Variants in ZCWPW2 observed in about 807,000 individuals in gnomAD.
ZCWPW2 encodes zinc finger CW-type and PWWP domain containing 2, also known as zinc finger CW-type PWWP domain protein 2.
ZCWPW2 carries 45 observed loss-of-function variants against 46.6 expected under a neutral mutation model. That is an observed-to-expected ratio of 0.96 (90% confidence interval 0.76 to 1.24). ZCWPW2 has a LOEUF of 1.24. Ranked by LOEUF, ZCWPW2 falls within the 50% of genes most tolerant of loss-of-function variation. The pLI is 0.00. For synonymous variants in ZCWPW2, 152 were observed against 137.1 expected (o/e 1.11, Z -0.76); for missense variants, 429 against 403.9 (o/e 1.06, Z -0.53).
chr3:28,351,291 T>A (rs1410498000), intron 1 of ZCWPW2, among the ~76,000 whole-genome samples: 2 of 150,244 alleles, frequency 1.3e-5, no homozygotes, highest in Non-Finnish European at 3.0e-5. Context: ...AAGCTCCTTC[T>A]CCACTTTTTT....
intron 1 of ZCWPW2, among the ~76,000 whole-genome samples, chr3:28,381,165 A>G (rs922729527): frequency 6.7e-6 from 1 of 148,318 alleles, no homozygotes; most frequent in African/African-American, 2.5e-5. Context: ...CATTTAATAG[A>G]AAATAAAATT....
At position 28,397,439 on chromosome 3, in the gene ZCWPW2, G is replaced by A. The variant is rs183697258; in HGVS notation, c.-14+6822G>A. 3.5e-4 allele frequency among the ~76,000 whole-genome samples: 54 copies of A among 152,288 alleles called. No homozygotes were observed. The East Asian group carries it at 0.01, about 28-fold the overall frequency. On this transcript the variant is annotated intron_variant, in intron 2 of 9. Coordinates refer to ENST00000383768, the MANE Select transcript of ZCWPW2 (RefSeq NM_001040432.4). ...AATCCCAGCTCTTTGGGAGGCCAAG[G>A]CAGGTGGATCATTTGAGGTCAGGAG...
At chr3:28,371,989 C>A (rs1161107903) in intron 1 of ZCWPW2, among the ~76,000 whole-genome samples, 4 of 149,574 alleles carry the variant, frequency 2.7e-5, no homozygotes, top group Non-Finnish European at 6.0e-5. Flanking sequence ...TCCTCCTCCT[C>A]CTGCTCCTCC....
intron 3 of ZCWPW2, among the ~76,000 whole-genome samples, chr3:28,423,307 C>T (rs562727720): frequency 6.6e-6 from 1 of 150,646 alleles, no homozygotes; most frequent in African/African-American, 2.4e-5. Context: ...TCTTATTGAT[C>T]CTGTCCTCTT....
intron 6 of ZCWPW2, among the ~76,000 whole-genome samples, chr3:28,508,493 C>T (rs1018355740): frequency 6.6e-6 from 1 of 151,950 alleles, no homozygotes; most frequent in African/African-American, 2.4e-5. Context: ...CAGCTCCTCA[C>T]TTTCAACCTT....
chr3:28,433,111 A>G (rs138616082), intron 3 of ZCWPW2, among the ~76,000 whole-genome samples: 5 of 152,074 alleles, frequency 3.3e-5, no homozygotes, highest in Admixed American at 3.3e-4. Flanking sequence ...ACACACACAC[A>G]CACACAAACA....
chr3:28,390,838 C>A (rs1171042547), intron 2 of ZCWPW2, among the ~76,000 whole-genome samples: 1 of 152,156 alleles, frequency 6.6e-6, no homozygotes, highest in African/African-American at 2.4e-5. Context: ...AATCTTCTTA[C>A]ACTTTCTGAC....
intron 4 of ZCWPW2, among the ~76,000 whole-genome samples, chr3:28,446,662 T>C (rs139145650): frequency 6.7e-6 from 1 of 149,578 alleles, no homozygotes; most frequent in Non-Finnish European, 1.5e-5. Context: ...GAAGGAAATA[T>C]TAAAGATAAG....
chr3:28,484,529 A>T (rs1699530929), intron 5 of ZCWPW2, among the ~76,000 whole-genome samples: 1 of 152,100 alleles, frequency 6.6e-6, no homozygotes, highest in South Asian at 2.1e-4. Flanking sequence ...CAAGAAATTG[A>T]TCCATTTCAT....
At position 28,368,088 on chromosome 3, in the gene ZCWPW2, C is replaced by T. The variant is rs140730507; in HGVS notation, c.-134+18885C>T. Among the ~76,000 whole-genome samples the T allele has an allele frequency of 1.1e-3, 162 of 152,132 alleles. 1 individual carries two copies. Among genetic ancestry groups the T allele is most frequent in the Non-Finnish European group, 1.1e-3 (76 of 67,994 alleles). On this transcript the variant is annotated intron_variant, in intron 1 of 9. Coordinates refer to ENST00000383768, the MANE Select transcript of ZCWPW2 (RefSeq NM_001040432.4). ...GAATGCAGCATACTGATGGGTCTTG[C>T]GTCTTTATCCAATTTGCCAGTCTGT...
chr3:28,373,150 A>T (rs1705393070), intron 1 of ZCWPW2, among the ~76,000 whole-genome samples: 1 of 152,138 alleles, frequency 6.6e-6, no homozygotes, highest in Admixed American at 6.5e-5. Context: ...TGATACAATG[A>T]TTTCCTTTCT....
At position 28,363,285 on chromosome 3, in the gene ZCWPW2, C is replaced by T. The variant is rs183878470; in HGVS notation, c.-134+14082C>T. Among the ~76,000 whole-genome samples the T allele has an allele frequency of 5.9e-5, 9 of 151,960 alleles. No homozygotes were observed. In the South Asian group the frequency reaches 8.3e-4, roughly 14 times the overall value. ...TATACAAAACTTTATTTAATAATAA[C>T]GCAATGACAACCAAGTAGAAAAATG... On this transcript the variant is annotated intron_variant, in intron 1 of 9. Transcript: ENST00000383768.
intron 5 of ZCWPW2, among the ~76,000 whole-genome samples, chr3:28,483,343 A>G (rs1304657197): frequency 2.0e-5 from 3 of 151,950 alleles, no homozygotes; most frequent in Non-Finnish European, 4.4e-5. Flanking sequence ...CTGTTGATCT[A>G]TTTGTCTGTT....
At chr3:28,516,074 A>G (rs1341243277) in intron 8 of ZCWPW2, among the ~76,000 whole-genome samples, 1 of 151,712 alleles carries the variant, frequency 6.6e-6, no homozygotes, top group Non-Finnish European at 1.5e-5. Context: ...AACCGGTCTC[A>G]ACTAAAAATA....
chr3:28,398,353 G>T (rs544486218), intron 2 of ZCWPW2: 1 of 152,196 alleles, frequency 6.6e-6, no homozygotes, highest in Non-Finnish European at 1.5e-5. Flanking sequence ...ATCATCTTGG[G>T]GGTGGGACAC....
intron 6 of ZCWPW2, among the ~76,000 whole-genome samples, chr3:28,496,981 C>T (rs948635756): frequency 1.9e-4 from 28 of 149,732 alleles, no homozygotes; most frequent in South Asian, 8.5e-4. Context: ...TATATAAATA[C>T]GTAAGTACTT....
At chr3:28,374,802 A>C (rs187456316) in intron 1 of ZCWPW2, among the ~76,000 whole-genome samples, 1 of 152,014 alleles carries the variant, frequency 6.6e-6, no homozygotes, top group Non-Finnish European at 1.5e-5. Context: ...TATAAATGCT[A>C]CTGATTTTTG....
chr3:28,511,021 A>G, intron 6 of ZCWPW2: 1 of 455,616 alleles, frequency 2.2e-6, no homozygotes, highest in Non-Finnish European at 4.4e-6. Context: ...TCAGCTATCA[A>G]GATGAGAGTC....
At chr3:28,520,887 CT>C (rs1700703927) in intron 8 of ZCWPW2, 104 bp from the exon 9 acceptor site, 1 of 1,337,292 alleles carries the variant, frequency 7.5e-7, no homozygotes, top group Admixed American at 2.2e-5. Flanking sequence ...TATATTTTAC[CT>C]TGTAGCATTT....
Sources: allele counts gnomAD v4.1 joint callset (sites outside exome capture counted in the v4.1 genomes callset), GRCh38; gene constraint gnomAD v4.1.1; transcripts MANE v1.5; gene names NCBI Gene and HGNC (gene_info 2026-07-23, HGNC 2026-07-21).